PABPC4L: variants seen among roughly 807,000 people sequenced by gnomAD.
PABPC4L encodes the protein polyadenylate-binding protein 4-like.
For missense variants in PABPC4L, 452 were observed against 451.4 expected (o/e 1.00, Z -0.01); for synonymous variants, 169 against 164.1 (o/e 1.03, Z -0.23).
chr4:134,048,285 C>G, the PABPC4L span, among the ~76,000 whole-genome samples: 1 of 152,006 alleles, frequency 6.6e-6, no homozygotes, highest in Non-Finnish European at 1.5e-5. Flanking sequence ...AAGAATAGCC[C>G]AGATATTTCT....
the PABPC4L span, among the ~76,000 whole-genome samples, chr4:134,057,532 C>T: frequency 6.6e-6 from 1 of 152,030 alleles, no homozygotes; most frequent in East Asian, 1.9e-4. Flanking sequence ...TCCACATGAT[C>T]TCCATTGGCA....
the PABPC4L span, among the ~76,000 whole-genome samples, chr4:134,141,720 T>C: frequency 2.8e-4 from 43 of 151,664 alleles, no homozygotes; most frequent in Admixed American, 2.8e-3. Flanking sequence ...TTCTATATTT[T>C]CATATATTTA....
At chr4:134,159,486 C>T in the PABPC4L span, among the ~76,000 whole-genome samples, 1 of 152,028 alleles carries the variant, frequency 6.6e-6, no homozygotes, top group Non-Finnish European at 1.5e-5. Flanking sequence ...AATCTGTGTG[C>T]TTTGGGGAGG....
the PABPC4L span, among the ~76,000 whole-genome samples, chr4:133,997,499 A>AG: frequency 6.6e-6 from 1 of 151,876 alleles, no homozygotes; most frequent in Non-Finnish European, 1.5e-5. Context: ...GTCTTATTAA[A>AG]AAAAAGAAAA....
the PABPC4L span, among the ~76,000 whole-genome samples, chr4:134,187,018 G>A: frequency 4.6e-5 from 7 of 152,024 alleles, no homozygotes; most frequent in Non-Finnish European, 7.4e-5. Context: ...AGTTAGAATG[G>A]CAATCATTAA....
chr4:133,958,113 T>A, the PABPC4L span, among the ~76,000 whole-genome samples: 1 of 152,232 alleles, frequency 6.6e-6, no homozygotes, highest in Non-Finnish European at 1.5e-5. Flanking sequence ...GTTTTCCTTT[T>A]CTATTGCATC....
chr4:134,013,407 G>A, the PABPC4L span, among the ~76,000 whole-genome samples: 10 of 151,832 alleles, frequency 6.6e-5, no homozygotes, highest in Admixed American at 2.6e-4. Context: ...TGCCTCCTTC[G>A]CTATGGGCAA....
At chr4:134,038,284 T>C in the PABPC4L span, among the ~76,000 whole-genome samples, 1 of 152,070 alleles carries the variant, frequency 6.6e-6, no homozygotes. Flanking sequence ...TAAAATTTCC[T>C]TTTTTTGTTG....
the PABPC4L span, among the ~76,000 whole-genome samples, chr4:133,982,621 G>T: frequency 4.0e-5 from 6 of 151,874 alleles, no homozygotes; most frequent in East Asian, 1.2e-3. Context: ...TACTTTGCTG[G>T]TTATGAACGT....
the PABPC4L span, among the ~76,000 whole-genome samples, chr4:134,100,493 A>G: frequency 1.3e-5 from 2 of 151,634 alleles, no homozygotes; most frequent in African/African-American, 4.8e-5. Context: ...CATACCTAGA[A>G]GTGTCATATT....
the PABPC4L span, among the ~76,000 whole-genome samples, chr4:134,055,277 T>C: frequency 6.6e-6 from 1 of 151,968 alleles, no homozygotes; most frequent in African/African-American, 2.4e-5. Flanking sequence ...GGAGGGCCTA[T>C]ATAGTGGAAA....
chr4:134,181,850 T>C, the PABPC4L span, among the ~76,000 whole-genome samples: 1 of 151,738 alleles, frequency 6.6e-6, no homozygotes, highest in Non-Finnish European at 1.5e-5. Context: ...AATTACAAGA[T>C]GCTACTTAAA....
the PABPC4L span, among the ~76,000 whole-genome samples, chr4:134,028,260 T>C: frequency 6.6e-6 from 1 of 152,056 alleles, no homozygotes; most frequent in African/African-American, 2.4e-5. Context: ...CTTTACACTT[T>C]TGGTTGATGG....
the PABPC4L span, among the ~76,000 whole-genome samples, chr4:134,102,820 A>C: frequency 1.3e-5 from 2 of 151,550 alleles, no homozygotes; most frequent in Non-Finnish European, 3.0e-5. Context: ...TATAATTTCT[A>C]TATATATTTA....
the PABPC4L span, among the ~76,000 whole-genome samples, chr4:133,953,695 T>A: frequency 6.6e-6 from 1 of 152,044 alleles, no homozygotes; most frequent in Admixed American, 6.6e-5. Flanking sequence ...ATTCCTGGGG[T>A]CATTATTATT....
chr4:133,995,582 C>G, the PABPC4L span, among the ~76,000 whole-genome samples: 2 of 152,178 alleles, frequency 1.3e-5, no homozygotes, highest in Admixed American at 1.3e-4. Flanking sequence ...TCCTGAGGCC[C>G]TTGCTGAACA....
chr4:134,122,485 T>G, the PABPC4L span, among the ~76,000 whole-genome samples: 1 of 151,930 alleles, frequency 6.6e-6, no homozygotes, highest in Non-Finnish European at 1.5e-5. Context: ...CTTCTCTATC[T>G]CACTTTTATA....
chr4:134,008,960 G>T, the PABPC4L span, among the ~76,000 whole-genome samples: 1 of 151,734 alleles, frequency 6.6e-6, no homozygotes, highest in South Asian at 2.1e-4. Flanking sequence ...GCTATAATGT[G>T]AAATGGTAAA....
the PABPC4L span, among the ~76,000 whole-genome samples, chr4:133,993,825 G>C: frequency 6.6e-6 from 1 of 152,118 alleles, no homozygotes; most frequent in Admixed American, 6.5e-5. Context: ...CTGTGGGCTC[G>C]AATATGTGTG....
Sources: gnomAD v4.1 joint callset for allele counts (sites outside exome capture counted in the v4.1 genomes callset) on GRCh38, gnomAD v4.1.1 for gene constraint, MANE v1.5 for transcripts, NCBI Gene and HGNC (gene_info 2026-07-23, HGNC 2026-07-21) for gene names.